CENPU: variants seen among roughly 807,000 people sequenced by gnomAD.
CENPU encodes centromere protein U.
In CENPU, 46 loss-of-function variants were observed where a neutral mutation model predicts 56.7. That is an observed-to-expected ratio of 0.81 (90% CI 0.64 to 1.04). The LOEUF is 1.04. Ranked by LOEUF, CENPU falls within the 50% of genes least tolerant of loss-of-function variation. The pLI, the probability that CENPU is intolerant of heterozygous loss-of-function variation, is 0.00. For synonymous variants in CENPU, 166 were observed against 163.0 expected, an observed-to-expected ratio of 1.02 and a Z score of -0.14; for missense variants, 510 against 490.1, an observed-to-expected ratio of 1.04 and a Z score of -0.38.
At chr4:184,726,237 C>G (rs1761446804) in intron 3 of CENPU, among the ~76,000 whole-genome samples, 2 of 152,112 alleles carry the variant, frequency 1.3e-5, no homozygotes, top group Admixed American at 1.3e-4. Context: ...CAGATAACCA[C>G]TCACATAAAC....
At chr4:184,730,024 A>T (rs905793094) in intron 2 of CENPU, among the ~76,000 whole-genome samples, 2 of 152,184 alleles carry the variant, frequency 1.3e-5, no homozygotes, top group Non-Finnish European at 2.9e-5. Flanking sequence ...TTGGGGGTGG[A>T]ATGTGGAGAG....
rs771408446 is a variant in CENPU, at chr4:184,725,054, A to G, written c.223T>C (p.Leu75=). The part of the protein sequence containing the change: ...EETYETFDPP[L]HSTAIYADEE... ...TCAGCATATATAGCTGTGCTATGTA[A>G]AGGAGGATCTTTCAAAAGACAAAAA... is the stretch of plus-strand genomic sequence containing the variant. The change falls in exon 4 of 13, where the codon TTA becomes CTA. Residue 75 remains leucine (L), a synonymous_variant. Transcript: ENST00000281453. 26 of 1,601,798 alleles carry G rather than the reference A, an allele frequency of 1.6e-5. No individual in the cohort carries two copies. The Admixed American group carries it at 4.5e-4, about 28-fold the overall frequency.
chr4:184,701,820 T>C (rs1364881855), intron 10 of CENPU, among the ~76,000 whole-genome samples: 4 of 152,212 alleles, frequency 2.6e-5, no homozygotes, highest in Non-Finnish European at 4.4e-5. Context: ...GTGACATTAA[T>C]AAAAGGCTTA....
rs4453975 is a variant in CENPU at position 184,710,079 on chromosome 4, C to T, written c.790G>A (p.Glu264Lys). Residue 264 changes from glutamate (E) to lysine (K), a missense_variant, in exon 8 of 13, where the codon GAG becomes AAG. Physicochemically the swap from Glu to Lys is moderately conservative, Grantham distance 56. Transcript: ENST00000281453. ...VLPEFEKTHL[E>K]HQQRIESKVC... ...CATCATCAAAAGACTTACTGATGCT[C>T]TAGGTGGGTTTTCTCAAATTCAGGC... 1.3e-6 allele frequency: 2 copies of T among 1,597,330 alleles called. No individual in the cohort carries two copies. The highest frequency in any genetic ancestry group is 8.6e-7 in the Non-Finnish European group (1 of 1,166,286).
chr4:184,715,937 G>GTT (rs5864897), intron 6 of CENPU, among the ~76,000 whole-genome samples: 96 of 135,780 alleles, frequency 7.1e-4, no homozygotes, highest in South Asian at 3.1e-3. Flanking sequence ...CTTTTTTTTT[G>GTT]TTTTTTTTTT....
intron 3 of CENPU, among the ~76,000 whole-genome samples, chr4:184,728,633 T>C (rs1761534656): frequency 6.6e-6 from 1 of 152,208 alleles, no homozygotes; most frequent in Non-Finnish European, 1.5e-5. Flanking sequence ...AAGTGAGAAA[T>C]GTATGCTATG....
chr4:184,721,480 G>GAAAAAAAAAAA (rs1761275743), intron 4 of CENPU, among the ~76,000 whole-genome samples: 4 of 40,804 alleles, frequency 9.8e-5, no homozygotes, highest in African/African-American at 4.0e-4. Flanking sequence ...AAAAAAAAAG[G>GAAAAAAAAAAA]ACCCAATGAT....
Position 184,725,214 on chromosome 4 carries a change from T to A in CENPU, c.215-152A>T, listed in dbSNP as rs540804402. On this transcript the variant is annotated intron_variant, in intron 3 of 12. Coordinates refer to ENST00000281453, the MANE Select transcript of CENPU (RefSeq NM_024629.4). ...CAGGCCACTTCCCAAATGTTTTTGA[T>A]CTCACACCTCAACAATAAAAATTGT... 5 of 495,368 alleles carry A rather than the reference T, an allele frequency of 1.0e-5. 1 individual carries two copies. In the East Asian group the frequency reaches 1.6e-4, roughly 15 times the overall value. The allele number at this position is 495,368 out of a possible 1,614,324, so 30.7% of individuals were successfully genotyped here.
At chr4:184,699,627 G>T in intron 11 of CENPU, 1 of 1,288,052 alleles carries the variant, frequency 7.8e-7, no homozygotes, top group Non-Finnish European at 1.0e-6. Context: ...CAACAGATTA[G>T]ACAACTGCTT....
At chr4:184,696,883 CTTT>C (rs11356233) in intron 12 of CENPU, among the ~76,000 whole-genome samples, 1 of 142,876 alleles carries the variant, frequency 7.0e-6, no homozygotes. Context: ...TGTTCCTTAA[CTTT>C]TTTTTTTTTT....
At chr4:184,706,867 C>T (rs1444323665) in intron 8 of CENPU, among the ~76,000 whole-genome samples, 2 of 152,234 alleles carry the variant, frequency 1.3e-5, no homozygotes, top group Non-Finnish European at 2.9e-5. Flanking sequence ...TTACTACCCA[C>T]TGCAGCAACT....
intron 12 of CENPU, among the ~76,000 whole-genome samples, chr4:184,696,977 C>G (rs1760361045): frequency 6.7e-6 from 1 of 148,698 alleles, no homozygotes; most frequent in African/African-American, 2.5e-5. Context: ...ACCTCCAGGG[C>G]TCAAGCGATC....
intron 8 of CENPU, among the ~76,000 whole-genome samples, chr4:184,707,551 C>T (rs1760769502): frequency 6.6e-6 from 1 of 152,178 alleles, no homozygotes; most frequent in Non-Finnish European, 1.5e-5. Context: ...TCTTTTCTTC[C>T]TGCTGCTCCT....
chr4:184,733,149 T>C (rs1226011660), intron 1 of CENPU: 2 of 170,616 alleles, frequency 1.2e-5, no homozygotes, highest in Non-Finnish European at 2.4e-5. Flanking sequence ...TCAGCTGACA[T>C]TGAAGGCTGA....
chr4:184,729,731 G>A (rs904768069), intron 2 of CENPU, among the ~76,000 whole-genome samples: 11 of 152,022 alleles, frequency 7.2e-5, no homozygotes, highest in Non-Finnish European at 1.2e-4. Flanking sequence ...CAGTTTTAAG[G>A]GTACACATGT....
At chr4:184,711,151 G>A (rs1017881203) in intron 7 of CENPU, among the ~76,000 whole-genome samples, 1 of 152,004 alleles carries the variant, frequency 6.6e-6, no homozygotes, top group African/African-American at 2.4e-5. Context: ...CACCATGCCC[G>A]GCCCCCAATT....
At chr4:184,708,090 G>T (rs975635032) in intron 8 of CENPU, among the ~76,000 whole-genome samples, 2 of 151,934 alleles carry the variant, frequency 1.3e-5, no homozygotes, top group Admixed American at 6.6e-5. Context: ...TGGGCGTGGT[G>T]GCGCATGCTT....
chr4:184,732,512 T>G (rs993847320), intron 1 of CENPU, among the ~76,000 whole-genome samples: 2 of 152,236 alleles, frequency 1.3e-5, no homozygotes, highest in African/African-American at 4.8e-5. Context: ...TTCAGAAAAT[T>G]TAAGTGACTT....
At chr4:184,697,824 AAAT>A (rs1207780587) in intron 11 of CENPU, 21 bp from the exon 12 acceptor site, 1 of 1,576,262 alleles carries the variant, frequency 6.3e-7, no homozygotes, top group African/African-American at 1.4e-5. Context: ...AATAAGTGAC[AAAT>A]AATAAAATGT....
Sources: allele counts gnomAD v4.1 joint callset (sites outside exome capture counted in the v4.1 genomes callset), GRCh38; gene constraint gnomAD v4.1.1; transcripts MANE v1.5; gene names NCBI Gene and HGNC (gene_info 2026-07-23, HGNC 2026-07-21).